Variants in SECISBP2 observed in about 807,000 individuals in gnomAD.
The protein encoded by SECISBP2 is SECIS binding protein 2.
In SECISBP2, 96 loss-of-function variants were observed where a neutral mutation model predicts 98.2. The observed-to-expected ratio is 0.98, with a 90% CI of 0.83 to 1.16. SECISBP2 has a LOEUF of 1.16. Among genes scored for constraint, SECISBP2 ranks in the 50% most tolerant of loss-of-function variants. The pLI, the probability that SECISBP2 is intolerant of heterozygous loss-of-function variation, is 0.00. For synonymous variants in SECISBP2, 407 were observed against 370.2 expected (o/e 1.10, Z -1.14); for missense variants, 1,046 against 1,022.9 (o/e 1.02, Z -0.31).
intron 5 of SECISBP2, chr9:89,329,328 C>G (rs997390138): frequency 2.6e-5 from 5 of 190,978 alleles, no homozygotes; most frequent in African/African-American, 1.2e-4. Flanking sequence ...GTTGCCCAGG[C>G]TGGTCTTGAA....
downstream of SECISBP2, chr9:89,361,031 A>G (rs1832720772): frequency 6.6e-6 from 1 of 152,230 alleles, no homozygotes; most frequent in South Asian, 2.1e-4. Flanking sequence ...GGTTGAAGCC[A>G]CACCCAAAGC....
chr9:89,354,808 G>T (rs965790536), intron 14 of SECISBP2: 1 of 985,264 alleles, frequency 1.0e-6, no homozygotes, highest in Admixed American at 6.1e-5. Context: ...GAGCTGGGGT[G>T]GACACCAGGC....
chr9:89,350,037 TA>T (rs1230681823), intron 13 of SECISBP2, 108 bp downstream of exon 13: 6 of 1,341,542 alleles, frequency 4.5e-6, no homozygotes, highest in Non-Finnish European at 6.3e-6. Context: ...CACTGTGCTT[TA>T]AAAACCTCAT....
At chr9:89,328,239 C>T (rs1342714381) in intron 4 of SECISBP2, among the ~76,000 whole-genome samples, 2 of 152,146 alleles carry the variant, frequency 1.3e-5, no homozygotes, top group African/African-American at 2.4e-5. Context: ...CTTTTATATG[C>T]CTGTTAGCTC....
chr9:89,336,867 G>T (rs150674244), intron 7 of SECISBP2, among the ~76,000 whole-genome samples: 3 of 150,838 alleles, frequency 2.0e-5, no homozygotes, highest in African/African-American at 7.3e-5. Context: ...CGCCTCCTGG[G>T]TTCAAGCAAT....
chr9:89,351,646 C>G (rs1049591224), intron 14 of SECISBP2, among the ~76,000 whole-genome samples: 1 of 152,172 alleles, frequency 6.6e-6, no homozygotes, highest in African/African-American at 2.4e-5. Context: ...GCTGAACCCT[C>G]AAAGATGATG....
At position 89,325,415 on chromosome 9, in the gene SECISBP2, C is replaced by G. The variant is rs199933213; in HGVS notation, c.183-12C>G. On this transcript the variant is annotated splice_polypyrimidine_tract_variant and intron_variant, in intron 2 of 16. Transcript: ENST00000375807. ...ATGAAATCTGCAACTAAAGTTTACA[C>G]TTTTTACTTAGGCAGAAAATATATA... 6.2e-7 allele frequency: 1 copy of G among 1,613,458 alleles called. No individual in the cohort carries two copies. The highest frequency in any genetic ancestry group is 8.5e-7 in the Non-Finnish European group (1 of 1,179,724).
chr9:89,320,049 A>G (rs1825454745), intron 2 of SECISBP2, among the ~76,000 whole-genome samples: 1 of 152,076 alleles, frequency 6.6e-6, no homozygotes, highest in Admixed American at 6.5e-5. Flanking sequence ...ACTGCATTGC[A>G]TTTGTTAATA....
At chr9:89,350,597 G>C (rs971415972) in intron 13 of SECISBP2, 35 bp from the exon 14 acceptor site, 7 of 1,588,176 alleles carry the variant, frequency 4.4e-6, no homozygotes, top group Admixed American at 1.7e-5. Context: ...GTCACAGCCA[G>C]TGGCACAATT....
At chr9:89,344,879 A>G (rs1185745953) in intron 10 of SECISBP2, among the ~76,000 whole-genome samples, 1 of 152,196 alleles carries the variant, frequency 6.6e-6, no homozygotes, top group Non-Finnish European at 1.5e-5. Flanking sequence ...TTATACAGCC[A>G]TATCTTTTAA....
chr9:89,333,113 C>T, intron 6 of SECISBP2, 127 bp downstream of exon 6: 1 of 779,804 alleles, frequency 1.3e-6, no homozygotes, highest in Non-Finnish European at 2.2e-6. Context: ...TTGTGGGTAA[C>T]CTAACATCAG....
intron 7 of SECISBP2, among the ~76,000 whole-genome samples, 186 bp from the exon 8 acceptor site, chr9:89,338,272 T>C (rs552071461): frequency 1.3e-5 from 2 of 152,202 alleles, no homozygotes; most frequent in African/African-American, 2.4e-5. Flanking sequence ...GAACAAACTT[T>C]TTTTTCCTTC....
At position 89,350,797 on chromosome 9, in the gene SECISBP2, C is replaced by T. The variant is rs935612955; in HGVS notation, c.2058C>T (p.Leu686=). Residue 686 remains leucine, a synonymous_variant, in exon 14 of 17, where the codon CTC becomes CTT. Transcript: ENST00000375807. Reference sequence around the variant, plus strand: ...GGGAGGTTCTCAAACACCTGAAGCTCAAAAAACTGAAATGTGTCATTATTT... The same window carrying T: ...GGGAGGTTCTCAAACACCTGAAGCTTAAAAAACTGAAATGTGTCATTATTT... The part of the protein sequence containing the change: ...GLREVLKHLK[L]KKLKCVIISP... 1.9e-6 allele frequency: 3 copies of T among 1,614,112 alleles called. No homozygotes were observed. The highest frequency in any genetic ancestry group is 2.5e-6 in the Non-Finnish European group (3 of 1,180,020).
chr9:89,363,392 T>A, downstream of SECISBP2: 1 of 1,603,886 alleles, frequency 6.2e-7, no homozygotes, highest in Non-Finnish European at 8.5e-7. Context: ...TGCCCCTGGC[T>A]CCAGCCCTCC....
chr9:89,334,858 G>A (rs2131727494), intron 7 of SECISBP2, 128 bp downstream of exon 7: 1 of 732,326 alleles, frequency 1.4e-6, no homozygotes, highest in South Asian at 1.5e-5. Context: ...TTCTGAAGAT[G>A]GATGGTGATG....
At chr9:89,352,132 T>C (rs765923706) in intron 14 of SECISBP2, among the ~76,000 whole-genome samples, 1 of 152,216 alleles carries the variant, frequency 6.6e-6, no homozygotes, top group Non-Finnish European at 1.5e-5. Context: ...ATGTATAGTT[T>C]GGGTTATTGT....
chr9:89,319,675 C>G lies in SECISBP2; in HGVS notation c.60C>G (p.Val20=), dbSNP rs935903368. 18 of 1,614,174 alleles carry G rather than the reference C, an allele frequency of 1.1e-5. No homozygotes were observed. The highest frequency in any genetic ancestry group is 1.5e-5 in the Non-Finnish European group (18 of 1,180,028). The part of the protein sequence containing the change: ...ESEGIKLSAD[V]KPFVPRFAGL... ...AGGGCATCAAGTTATCAGCAGATGT[C>G]AAACCATTTGTCCCCAGATTTGCCG... The change falls in exon 2 of 17, where the codon GTC becomes GTG. Residue 20 remains valine, a synonymous_variant. Transcript: ENST00000375807.
intron 10 of SECISBP2, among the ~76,000 whole-genome samples, chr9:89,344,394 C>G (rs1006733529): frequency 6.6e-6 from 1 of 152,156 alleles, no homozygotes; most frequent in Admixed American, 6.5e-5. Flanking sequence ...GTTCCTGTGT[C>G]CAAAATGGTA....
intron 6 of SECISBP2, 152 bp downstream of exon 6, chr9:89,333,138 G>C: frequency 2.8e-6 from 2 of 702,526 alleles, no homozygotes; most frequent in Non-Finnish European, 5.0e-6. Context: ...AGTTTAGAAA[G>C]TTAAGTAGAT....
Sources: allele counts gnomAD v4.1 joint callset (sites outside exome capture counted in the v4.1 genomes callset), GRCh38; gene constraint gnomAD v4.1.1; transcripts MANE v1.5; gene names NCBI Gene and HGNC (gene_info 2026-07-23, HGNC 2026-07-21).